Variants in KLHL7 observed in about 807,000 individuals in gnomAD.
The protein encoded by KLHL7 is kelch like family member 7.
KLHL7 carries 44 observed loss-of-function variants against 67.4 expected under a neutral mutation model. That is an observed-to-expected ratio of 0.65 (90% CI 0.51 to 0.84). The LOEUF (loss-of-function observed/expected upper bound fraction) is 0.84, where lower values mean the gene tolerates loss of function less well. KLHL7 is among the 40% of genes least tolerant of loss of function. The pLI is 0.00. For synonymous variants in KLHL7, 252 were observed against 243.3 expected (o/e 1.04, Z -0.33); for missense variants, 362 against 718.1 (o/e 0.50, Z 5.67).
intron 7 of KLHL7, among the ~76,000 whole-genome samples, chr7:23,154,677 G>C (rs932406019): frequency 6.6e-6 from 1 of 152,202 alleles, no homozygotes; most frequent in African/African-American, 2.4e-5. Flanking sequence ...TAGAGCTAAA[G>C]AGTCAAGGGA....
At chr7:23,162,456 T>C (rs1784878717) in intron 7 of KLHL7, among the ~76,000 whole-genome samples, 1 of 152,222 alleles carries the variant, frequency 6.6e-6, no homozygotes, top group Non-Finnish European at 1.5e-5. Flanking sequence ...CTAAGATCAT[T>C]GGATGCTAGG....
intron 7 of KLHL7, among the ~76,000 whole-genome samples, chr7:23,161,982 T>A (rs1167796544): frequency 6.6e-6 from 1 of 152,228 alleles, no homozygotes; most frequent in Non-Finnish European, 1.5e-5. Flanking sequence ...ACGGAGATTG[T>A]GCAGGACCTC....
intron 9 of KLHL7, among the ~76,000 whole-genome samples, chr7:23,170,378 A>C (rs1057276510): frequency 3.9e-5 from 6 of 152,226 alleles, no homozygotes; most frequent in Non-Finnish European, 8.8e-5. Context: ...CAAATAACAC[A>C]TGTTGTCACT....
At chr7:23,121,099 G>A (rs1029980628) in intron 1 of KLHL7, among the ~76,000 whole-genome samples, 3 of 152,062 alleles carry the variant, frequency 2.0e-5, no homozygotes, top group African/African-American at 7.2e-5. Context: ...TTAACTTTCT[G>A]TTCCTAGCTT....
At chr7:23,160,329 A>G (rs1024684665) in intron 7 of KLHL7, among the ~76,000 whole-genome samples, 2 of 152,230 alleles carry the variant, frequency 1.3e-5, no homozygotes, top group East Asian at 1.9e-4. Flanking sequence ...TATCAAGCAT[A>G]ATATCCATGT....
chr7:23,115,872 T>TA lies in KLHL7; in HGVS notation c.121-7904dup, dbSNP rs1208498823. ...CTCATTCTTTTTCTTAGACAATTGT[T>TA]AGAGATTTGCCAGGGTGATAATACT... On this transcript the variant is annotated intron_variant, in intron 1 of 10. Transcript: ENST00000339077. Among the ~76,000 whole-genome samples the TA allele has an allele frequency of 2.0e-5, 3 of 152,186 alleles. No homozygotes were observed. In the South Asian group the frequency reaches 6.2e-4, roughly 32 times the overall value.
At chr7:23,127,283 C>G (rs1783609788) in intron 4 of KLHL7, among the ~76,000 whole-genome samples, 1 of 152,170 alleles carries the variant, frequency 6.6e-6, no homozygotes, top group African/African-American at 2.4e-5. Flanking sequence ...ACATCTTAGG[C>G]TTTGGGCTTC....
chr7:23,124,044 T>C (rs1379588580), intron 2 of KLHL7, among the ~76,000 whole-genome samples, 165 bp downstream of exon 2: 1 of 151,738 alleles, frequency 6.6e-6, no homozygotes. Context: ...AAGGAAAAAA[T>C]GTCCTTTCAT....
chr7:23,124,224 C>CAAAAA (rs1783474617), intron 2 of KLHL7, among the ~76,000 whole-genome samples: 1 of 81,854 alleles, frequency 1.2e-5, no homozygotes, highest in Non-Finnish European at 2.5e-5. Flanking sequence ...AAAAAAAAAG[C>CAAAAA]CCAGGGTTTT....
chr7:23,127,697 CT>C (rs1311382460), intron 4 of KLHL7, among the ~76,000 whole-genome samples: 1 of 151,870 alleles, frequency 6.6e-6, no homozygotes, highest in African/African-American at 2.4e-5. Flanking sequence ...TGAAACCCCT[CT>C]CTACCAAAAA....
chr7:23,106,488 A>G, intron 1 of KLHL7: 1 of 1,181,772 alleles, frequency 8.5e-7, no homozygotes, highest in South Asian at 1.7e-5. Flanking sequence ...AGCCGTTTTA[A>G]GGTGCCGTGA....
At chr7:23,141,117 T>C (rs1052334339) in intron 5 of KLHL7, among the ~76,000 whole-genome samples, 173 bp downstream of exon 5, 16 of 152,220 alleles carry the variant, frequency 1.1e-4, no homozygotes, top group Admixed American at 3.3e-4. Context: ...CTTTGAGAAA[T>C]AGGCCACTTC....
At position 23,136,472 on chromosome 7, in the gene KLHL7, A is replaced by G. The variant is rs575726141; in HGVS notation, c.443-4297A>G. Among the ~76,000 whole-genome samples, 3 of 152,324 alleles carry G rather than the reference A, an allele frequency of 2.0e-5. No homozygotes were observed. In the East Asian group the frequency reaches 5.8e-4, roughly 29 times the overall value. ...GCATTGCCCAGAAATCTCAAGTCAG[A>G]TTTTAAAAAGAAGGATTTGAATAAC... On this transcript the variant is annotated intron_variant, in intron 4 of 10. Coordinates refer to ENST00000339077, the MANE Select transcript of KLHL7 (RefSeq NM_001031710.3).
At chr7:23,109,502 A>G (rs1782778652) in intron 1 of KLHL7, among the ~76,000 whole-genome samples, 1 of 152,220 alleles carries the variant, frequency 6.6e-6, no homozygotes, top group Non-Finnish European at 1.5e-5. Flanking sequence ...TCCACATTAA[A>G]TGAATTAAAG....
intron 1 of KLHL7, chr7:23,117,981 T>G (rs762491359): frequency 6.2e-7 from 1 of 1,613,852 alleles, no homozygotes; most frequent in African/African-American, 1.3e-5. Flanking sequence ...CATTCCTCAG[T>G]CTTCTCTTTG....
At chr7:23,135,360 A>G (rs1353075383) in intron 4 of KLHL7, among the ~76,000 whole-genome samples, 4 of 152,142 alleles carry the variant, frequency 2.6e-5, no homozygotes, top group East Asian at 3.8e-4. Context: ...CATATGGTCT[A>G]TCCTTGAGAA....
chr7:23,136,105 C>T (rs920873721), intron 4 of KLHL7, among the ~76,000 whole-genome samples: 1 of 152,142 alleles, frequency 6.6e-6, no homozygotes, highest in African/African-American at 2.4e-5. Context: ...TCAACTATCC[C>T]AGCTGGTGTC....
Position 23,106,011 on chromosome 7 carries a change from A to G in KLHL7, c.-16A>G, listed in dbSNP as rs563311203. 14 of 1,608,664 alleles carry G rather than the reference A, an allele frequency of 8.7e-6. No homozygotes were observed. The South Asian group carries it at 1.6e-4, about 18-fold the overall frequency. ...CCGGCCCGGCGAGCCCCGGGCGTGA[A>G]CCGAGCTGAGGGAGGATGGCAGCCT... is the stretch of plus-strand genomic sequence containing the variant. On this transcript the variant is annotated 5_prime_UTR_variant, in exon 1 of 11. Coordinates refer to ENST00000339077, the MANE Select transcript of KLHL7 (RefSeq NM_001031710.3).
At chr7:23,124,980 C>A in intron 3 of KLHL7, 68 bp from the exon 4 acceptor site, 1 of 1,416,516 alleles carries the variant, frequency 7.1e-7, no homozygotes, top group Non-Finnish European at 9.9e-7. Context: ...TATTAGGATA[C>A]ATTCCACAGT....
Sources: gnomAD v4.1 joint callset for allele counts (sites outside exome capture counted in the v4.1 genomes callset) on GRCh38, gnomAD v4.1.1 for gene constraint, MANE v1.5 for transcripts, NCBI Gene and HGNC (gene_info 2026-07-23, HGNC 2026-07-21) for gene names.